The following CARS2 variants were observed in gnomAD, a reference collection of about 807,000 sequenced individuals.
CARS2 encodes the protein probable cysteine--tRNA ligase, mitochondrial.
In CARS2, 52 loss-of-function variants were observed where a neutral mutation model predicts 68.8. The observed-to-expected ratio is 0.76, with a 90% CI of 0.61 to 0.95. The LOEUF (loss-of-function observed/expected upper bound fraction) is 0.95. CARS2 is among the 40% of genes least tolerant of loss of function. The probability of loss-of-function intolerance (pLI) is 0.00; values close to 1 mark genes in which losing one functional copy is unlikely to be tolerated. For missense variants in CARS2, 780 were observed against 754.2 expected (o/e 1.03, Z -0.40); for synonymous variants, 314 against 303.6 (o/e 1.03, Z -0.36).
intron 9 of CARS2, 132 bp downstream of exon 9, chr13:110,663,319 G>A (rs1052255238): frequency 5.9e-6 from 5 of 849,020 alleles, no homozygotes; most frequent in Non-Finnish European, 7.3e-6. Flanking sequence ...AGGTGAGGCA[G>A]GTCTCGTCAT....
At chr13:110,674,782 T>C (rs527789906) in intron 7 of CARS2, among the ~76,000 whole-genome samples, 2 of 152,294 alleles carry the variant, frequency 1.3e-5, no homozygotes, top group East Asian at 3.9e-4. Context: ...ACCTACAGAA[T>C]GGGAGAAAAT....
chr13:110,713,077 C>A, intron 1 of CARS2: 1 of 1,444,710 alleles, frequency 6.9e-7, no homozygotes, highest in Non-Finnish European at 9.1e-7. Context: ...CCCTCCCCTT[C>A]CTTCCGCCTC....
At chr13:110,664,743 T>A in intron 8 of CARS2, 2 of 676,602 alleles carry the variant, frequency 3.0e-6, no homozygotes, top group Non-Finnish European at 3.6e-6. Context: ...TGACGGTAAC[T>A]GAAGGCAGGG....
In CARS2 at chr13:110,713,215, T is replaced by G. The variant is rs1205324513; in HGVS notation, n.321A>C. ...GTAGATTGGCTACTGCGGTTGCCAG[T>G]TCTGTTTCGGGCCCTACTTATACTG... On this transcript the variant is annotated non_coding_transcript_exon_variant, in exon 1 of 3. Coordinates refer to the CARS2 transcript ENST00000485188. 6 of 1,418,816 alleles carry G rather than the reference T, an allele frequency of 4.2e-6. No individual in the cohort carries two copies. In the African/African-American group the frequency reaches 7.2e-5, roughly 17 times the overall value. The allele number at this position is 1,418,816 out of a possible 1,614,324, so 87.9% of individuals were successfully genotyped here.
rs1231546610 is a variant in CARS2 at position 110,676,515 on chromosome 13, G to A, written c.785+459C>T. Among the ~76,000 whole-genome samples, 2 of 152,166 alleles carry A rather than the reference G, an allele frequency of 1.3e-5. No individual in the cohort carries two copies. Among genetic ancestry groups the A allele is most frequent in the Non-Finnish European group, 2.9e-5 (2 of 68,016 alleles). ...AGGACCCACATGAGGGTGGCTGGGG[G>A]ACTCCAGGAAGATCTGGGAGGAGCT... On this transcript the variant is annotated intron_variant, in intron 7 of 14. Coordinates refer to ENST00000257347, the MANE Select transcript of CARS2 (RefSeq NM_024537.4). This position sits in a 1 kb window ranked among gnomAD's most constrained non-coding sequence, Gnocchi z 4.0.
chr13:110,669,568 T>C (rs1389561214), intron 7 of CARS2, among the ~76,000 whole-genome samples: 1 of 152,198 alleles, frequency 6.6e-6, no homozygotes, highest in Non-Finnish European at 1.5e-5. Context: ...TTAACAGTGA[T>C]TTTTTTAAAA....
intron 9 of CARS2, among the ~76,000 whole-genome samples, chr13:110,657,835 C>T (rs2062408652): frequency 6.6e-6 from 1 of 152,198 alleles, no homozygotes; most frequent in Non-Finnish European, 1.5e-5. Context: ...ATCTGGTAGT[C>T]ATTCCTTAAC....
At chr13:110,645,810 G>T in intron 12 of CARS2, 157 bp downstream of exon 12, 1 of 998,412 alleles carries the variant, frequency 1.0e-6, no homozygotes, top group Non-Finnish European at 1.4e-6. Context: ...CATCCCGTGT[G>T]TCAGCGGCAG....
At chr13:110,661,102 T>A (rs1208353396) in intron 9 of CARS2, among the ~76,000 whole-genome samples, 1 of 152,190 alleles carries the variant, frequency 6.6e-6, no homozygotes, top group Admixed American at 6.5e-5. Context: ...TTTTGAATTG[T>A]CAATGAGCGC....
chr13:110,656,535 G>A (rs977747633), intron 9 of CARS2, among the ~76,000 whole-genome samples: 1 of 152,162 alleles, frequency 6.6e-6, no homozygotes, highest in Non-Finnish European at 1.5e-5. Context: ...GCTGGGAGGA[G>A]GTGGGAGTGA....
intron 3 of CARS2, 95 bp downstream of exon 3, chr13:110,701,343 C>T (rs2063779153): frequency 2.9e-6 from 2 of 695,682 alleles, no homozygotes; most frequent in African/African-American, 1.8e-5. Context: ...GGATTACAGG[C>T]GTAAGCTACC....
At chr13:110,712,771 G>A (rs1315001130) in intron 1 of CARS2, 2 of 710,470 alleles carry the variant, frequency 2.8e-6, no homozygotes, top group East Asian at 5.4e-5. Flanking sequence ...AGGGCGGGAA[G>A]AGATAAGGCC....
intron 3 of CARS2, among the ~76,000 whole-genome samples, chr13:110,691,784 G>A (rs1212048221): frequency 2.0e-5 from 3 of 151,764 alleles, no homozygotes; most frequent in African/African-American, 7.3e-5. Context: ...ATTTCTGCAG[G>A]CTTTAAAGCC....
intron 3 of CARS2, among the ~76,000 whole-genome samples, chr13:110,697,174 A>G (rs1479313440): frequency 6.6e-6 from 1 of 152,220 alleles, no homozygotes; most frequent in Admixed American, 6.5e-5. Flanking sequence ...GCCCCGAACC[A>G]CTGACCTTCC....
At chr13:110,677,338 C>T (rs2062986009) in intron 6 of CARS2, among the ~76,000 whole-genome samples, 1 of 70,570 alleles carries the variant, frequency 1.4e-5, no homozygotes, top group African/African-American at 5.6e-5. Context: ...ACCCCCACCA[C>T]GGGGACCCAG....
chr13:110,666,303 T>C, intron 8 of CARS2: 1 of 985,068 alleles, frequency 1.0e-6, no homozygotes, highest in Non-Finnish European at 1.2e-6. Flanking sequence ...CGGAATAAAG[T>C]GGATTTCAGC....
At chr13:110,708,157 GT>G (rs1385930308), upstream of CARS2, among the ~76,000 whole-genome samples, 4 of 141,610 alleles carry the variant, frequency 2.8e-5, no homozygotes, top group East Asian at 4.2e-4. Flanking sequence ...GGTTTTGTTT[GT>G]TTTGTTTTGC....
chr13:110,692,033 CACATAT>C (rs1255053910), intron 3 of CARS2, among the ~76,000 whole-genome samples: 8 of 127,766 alleles, frequency 6.3e-5, no homozygotes, highest in East Asian at 2.2e-4. Context: ...TACACACACA[CACATAT>C]ATATATATAC....
At chr13:110,663,665 C>G in intron 8 of CARS2, 147 bp from the exon 9 acceptor site, 2 of 1,416,830 alleles carry the variant, frequency 1.4e-6, no homozygotes, top group Non-Finnish European at 9.2e-7. Flanking sequence ...GCCCCCAAAT[C>G]TTCACCCGTG....
Sources: allele counts gnomAD v4.1 joint callset (sites outside exome capture counted in the v4.1 genomes callset), GRCh38; gene constraint gnomAD v4.1.1; non-coding constraint Gnocchi (gnomAD v3.1); transcripts MANE v1.5; gene names NCBI Gene and HGNC (gene_info 2026-07-23, HGNC 2026-07-21).